NAV2: variants seen among roughly 807,000 people sequenced by gnomAD.
NAV2 encodes the protein helicase, APC down-regulated 1.
A neutral mutation model predicts 223.2 loss-of-function variants in NAV2; 54 were observed. The ratio of observed to expected loss-of-function variants is 0.24; its 90% CI spans 0.19 to 0.30. NAV2 has a LOEUF of 0.30. Ranked by LOEUF, NAV2 falls within the 10% of genes least tolerant of loss-of-function variation. The pLI is 1.00. For missense variants in NAV2, 2,806 were observed against 3,147.5 expected, an observed-to-expected ratio of 0.89 and a Z score of 2.60; for synonymous variants, 1,279 against 1,239.3, an observed-to-expected ratio of 1.03 and a Z score of -0.67.
At chr11:19,914,790 C>T (rs1263887263) in intron 6 of NAV2, among the ~76,000 whole-genome samples, 3 of 151,500 alleles carry the variant, frequency 2.0e-5, no homozygotes, top group Admixed American at 6.6e-5. Flanking sequence ...ATGATCCACC[C>T]GCCTCGGCCT....
At chr11:19,846,958 C>A (rs531656400) in intron 3 of NAV2, among the ~76,000 whole-genome samples, 1 of 152,284 alleles carries the variant, frequency 6.6e-6, no homozygotes, top group Admixed American at 6.5e-5. Context: ...AAACAACACT[C>A]CCACCCCATT....
chr11:20,029,224 C>A (rs1167338561), intron 11 of NAV2, among the ~76,000 whole-genome samples: 1 of 152,156 alleles, frequency 6.6e-6, no homozygotes, highest in Non-Finnish European at 1.5e-5. Context: ...TCCAGCTACT[C>A]CATTATAAAG....
At chr11:20,049,993 C>A in intron 16 of NAV2, 92 bp downstream of exon 16, 3 of 1,149,574 alleles carry the variant, frequency 2.6e-6, no homozygotes, top group Non-Finnish European at 3.9e-6. Context: ...GGCTGTTGGC[C>A]TAAGCCACCT....
At chr11:19,910,062 A>G (rs546408856) in intron 6 of NAV2, among the ~76,000 whole-genome samples, 1 of 152,260 alleles carries the variant, frequency 6.6e-6, no homozygotes, top group South Asian at 2.1e-4. Context: ...GGTATTTTGC[A>G]TACGTAGTCT....
intron 8 of NAV2, among the ~76,000 whole-genome samples, chr11:19,945,832 A>C (rs1278573471): frequency 6.6e-6 from 1 of 152,178 alleles, no homozygotes; most frequent in South Asian, 2.1e-4. Context: ...GAGGACCAGC[A>C]CCTTCCCCAC....
chr11:19,412,449 C>T (rs1369528374), intron 1 of NAV2, among the ~76,000 whole-genome samples: 1 of 152,202 alleles, frequency 6.6e-6, no homozygotes, highest in Non-Finnish European at 1.5e-5. Flanking sequence ...AAACTCCCAT[C>T]TCCCTGGGAC....
At chr11:19,581,612 G>C (rs1590597526) in intron 1 of NAV2, among the ~76,000 whole-genome samples, 1 of 151,998 alleles carries the variant, frequency 6.6e-6, no homozygotes. Flanking sequence ...GAGAACATGC[G>C]GTATTTGGTT....
intron 1 of NAV2, among the ~76,000 whole-genome samples, chr11:19,408,606 T>G (rs1850003794): frequency 6.6e-6 from 1 of 152,228 alleles, no homozygotes; most frequent in East Asian, 1.9e-4. Flanking sequence ...GCCTGCCAGG[T>G]TCTGTGCTGA....
chr11:19,369,043 T>C (rs552653944), intron 1 of NAV2, among the ~76,000 whole-genome samples: 1 of 152,330 alleles, frequency 6.6e-6, no homozygotes, highest in East Asian at 1.9e-4. Context: ...GAAAGTGTGC[T>C]GGAGAAGCAA....
At chr11:19,892,298 A>G (rs1790758798) in intron 5 of NAV2, 136 bp from the exon 6 acceptor site, 1 of 788,736 alleles carries the variant, frequency 1.3e-6, no homozygotes, top group Admixed American at 3.4e-5. Flanking sequence ...GGTTCCACCA[A>G]ATTCTGTGAC....
At chr11:19,544,507 A>G (rs184563180) in intron 1 of NAV2, among the ~76,000 whole-genome samples, 1 of 152,314 alleles carries the variant, frequency 6.6e-6, no homozygotes, top group East Asian at 1.9e-4. Context: ...CCTGGAGTCC[A>G]TATTCCACAC....
intron 11 of NAV2, among the ~76,000 whole-genome samples, chr11:20,004,585 T>G (rs1207955088): frequency 6.6e-6 from 1 of 152,204 alleles, no homozygotes; most frequent in Non-Finnish European, 1.5e-5. Flanking sequence ...AGTGACTTTT[T>G]TCAGAGGGGC....
intron 1 of NAV2, among the ~76,000 whole-genome samples, chr11:19,396,444 C>T (rs1486439512): frequency 6.6e-6 from 1 of 152,196 alleles, no homozygotes; most frequent in Non-Finnish European, 1.5e-5. Flanking sequence ...ACACAGTGTG[C>T]ATTTTCTGTG....
intron 1 of NAV2, among the ~76,000 whole-genome samples, chr11:19,807,485 G>T (rs891523386): frequency 1.3e-5 from 2 of 152,202 alleles, no homozygotes; most frequent in African/African-American, 4.8e-5. Context: ...GCACCTATGT[G>T]CACACTCTCT....
chr11:19,783,963 T>C (rs1161772591), intron 1 of NAV2, among the ~76,000 whole-genome samples: 1 of 152,198 alleles, frequency 6.6e-6, no homozygotes, highest in Non-Finnish European at 1.5e-5. Flanking sequence ...TATATTTTAC[T>C]GGAAGAAAGA....
chr11:19,751,546 G>A (rs1489493325), intron 1 of NAV2, among the ~76,000 whole-genome samples: 1 of 152,130 alleles, frequency 6.6e-6, no homozygotes, highest in African/African-American at 2.4e-5. Flanking sequence ...TCCCAACTCA[G>A]GGCCGTTATT....
intron 1 of NAV2, among the ~76,000 whole-genome samples, chr11:19,514,900 G>A (rs1046244907): frequency 2.6e-5 from 4 of 152,184 alleles, no homozygotes; most frequent in Non-Finnish European, 5.9e-5. Context: ...CCTCTGAGCT[G>A]TTTAATTCTA....
At chr11:19,720,683 G>A (rs902238600) in intron 1 of NAV2, among the ~76,000 whole-genome samples, 6 of 152,152 alleles carry the variant, frequency 3.9e-5, no homozygotes, top group Non-Finnish European at 5.9e-5. Flanking sequence ...CACGGATATC[G>A]ATTGAGCACA....
intron 13 of NAV2, 83 bp downstream of exon 13, chr11:20,044,355 T>G: frequency 8.0e-7 from 1 of 1,249,180 alleles, no homozygotes; most frequent in East Asian, 2.5e-5. Context: ...GACTTGACAT[T>G]ATATATTTTG....
Sources: allele counts gnomAD v4.1 joint callset (sites outside exome capture counted in the v4.1 genomes callset), GRCh38; gene constraint gnomAD v4.1.1; transcripts MANE v1.5; gene names NCBI Gene and HGNC (gene_info 2026-07-23, HGNC 2026-07-21).